CRISPLD2: variants seen among roughly 807,000 people sequenced by gnomAD.
CRISPLD2 encodes the protein cysteine-rich secretory protein LCCL domain-containing 2.
Under a neutral mutation model 71.1 loss-of-function variants are expected in CRISPLD2, and 47 were observed. The ratio of observed to expected loss-of-function variants is 0.66; its 90% CI spans 0.52 to 0.84. CRISPLD2 has a LOEUF of 0.84. Among genes scored for constraint, CRISPLD2 ranks in the 40% least tolerant of loss-of-function variants. The probability of loss-of-function intolerance (pLI) is 0.00; values close to 1 mark genes in which losing one functional copy is unlikely to be tolerated. For synonymous variants in CRISPLD2, 317 were observed against 250.1 expected, an observed-to-expected ratio of 1.27 and a Z score of -2.52; for missense variants, 830 against 651.1, an observed-to-expected ratio of 1.27 and a Z score of -2.99.
chr16:84,857,470 C>T (rs556844030), intron 6 of CRISPLD2, among the ~76,000 whole-genome samples: 45 of 152,308 alleles, frequency 3.0e-4, no homozygotes, highest in Non-Finnish European at 5.7e-4. Flanking sequence ...TCTTCCAAGT[C>T]CCTGACCATC....
Position 84,909,345 on chromosome 16 carries a change from C to G in CRISPLD2, c.*2703C>G, listed in dbSNP as rs1398721459. Reference sequence around the variant, plus strand: ...TGAAAAATGATGTATTTTGCTACTTCCTGTGTACAAAGTTTTATTGTAAAT... The same window carrying G: ...TGAAAAATGATGTATTTTGCTACTTGCTGTGTACAAAGTTTTATTGTAAAT... On this transcript the variant is annotated 3_prime_UTR_variant, in exon 15 of 15. Coordinates refer to ENST00000262424, the MANE Select transcript of CRISPLD2 (RefSeq NM_031476.4). 1 of 152,656 alleles carries G rather than the reference C, an allele frequency of 6.6e-6. No homozygotes were observed. The highest frequency in any genetic ancestry group is 2.4e-5 in the African/African-American group (1 of 41,446). 9.5% of individuals were successfully genotyped at this position (152,656 alleles called of 1,614,324 possible).
intron 6 of CRISPLD2, among the ~76,000 whole-genome samples, chr16:84,865,248 C>T (rs1917503530): frequency 6.6e-6 from 1 of 151,978 alleles, no homozygotes; most frequent in Admixed American, 6.6e-5. Flanking sequence ...CTCCACCTCC[C>T]AGGTTCAAGC....
intron 6 of CRISPLD2, among the ~76,000 whole-genome samples, chr16:84,858,089 C>T (rs1156580597): frequency 6.6e-6 from 1 of 152,150 alleles, no homozygotes; most frequent in Non-Finnish European, 1.5e-5. Context: ...GATGGCAGGG[C>T]CTTACTCCAA....
chr16:84,825,418 C>T (rs964447905), intron 1 of CRISPLD2, among the ~76,000 whole-genome samples: 4 of 152,058 alleles, frequency 2.6e-5, no homozygotes, highest in African/African-American at 9.7e-5. Flanking sequence ...TAAAAATTAG[C>T]TGGTGTCCTC....
chr16:84,831,750 T>C (rs1339669251), intron 1 of CRISPLD2, among the ~76,000 whole-genome samples: 3 of 152,198 alleles, frequency 2.0e-5, no homozygotes, highest in African/African-American at 7.2e-5. Context: ...TTCAAATTTT[T>C]TATTTTTTGA....
intron 1 of CRISPLD2, among the ~76,000 whole-genome samples, chr16:84,826,431 T>C (rs1424787541): frequency 1.3e-5 from 2 of 152,248 alleles, no homozygotes; most frequent in Non-Finnish European, 2.9e-5. Context: ...GCACGTTTCA[T>C]GCCCCTATGT....
chr16:84,821,920 G>T (rs752784310), intron 1 of CRISPLD2, among the ~76,000 whole-genome samples: 21 of 152,220 alleles, frequency 1.4e-4, no homozygotes, highest in Non-Finnish European at 3.1e-4. Context: ...AATTATTAAG[G>T]TGTGTGCCCA....
Position 84,909,177 on chromosome 16 carries a change from G to A in CRISPLD2, c.*2535G>A, listed in dbSNP as rs979074081. 1 of 152,628 alleles carries A rather than the reference G, an allele frequency of 6.6e-6. No individual in the cohort carries two copies. The highest frequency in any genetic ancestry group is 1.5e-5 in the Non-Finnish European group (1 of 68,038). The allele number at this position is 152,628 out of a possible 1,614,324, so 9.5% of individuals were successfully genotyped here. A position where few individuals can be genotyped will look rare whatever the true frequency, so the allele number is the denominator to read the frequency against. On this transcript the variant is annotated 3_prime_UTR_variant, in exon 15 of 15. Coordinates refer to ENST00000262424, the MANE Select transcript of CRISPLD2 (RefSeq NM_031476.4). ...AAAAAGATCTTGTACCAAGCCAACG[G>A]CGTTCCTGGCTCTCCTGCCCACAGG...
At chr16:84,889,392 C>T in intron 14 of CRISPLD2, 29 bp downstream of exon 14, 1 of 1,586,320 alleles carries the variant, frequency 6.3e-7, no homozygotes, top group Non-Finnish European at 8.6e-7. Context: ...ACCCTTGACA[C>T]CCAATCCCGG....
intron 6 of CRISPLD2, among the ~76,000 whole-genome samples, chr16:84,864,492 T>TATTC (rs1323209835): frequency 6.6e-6 from 1 of 152,202 alleles, no homozygotes; most frequent in Non-Finnish European, 1.5e-5. Flanking sequence ...CAAGCCTGAA[T>TATTC]AGCCTCATTG....
At position 84,888,427 on chromosome 16, in the gene CRISPLD2, T is replaced by G. The variant is rs552208948; in HGVS notation, c.1306-803T>G. ...GGTACACAACTGTAGTCCCAGCTAC[T>G]TGGGAGGCTGAGGTGGGAGGATCCC... On this transcript the variant is annotated intron_variant, in intron 13 of 14. Coordinates refer to ENST00000262424, the MANE Select transcript of CRISPLD2 (RefSeq NM_031476.4). 9.8e-5 allele frequency among the ~76,000 whole-genome samples: 15 copies of G among 152,356 alleles called. No individual in the cohort carries two copies. The East Asian group carries it at 2.9e-3, about 29-fold the overall frequency.
At chr16:84,868,293 C>T (rs1054498375) in intron 7 of CRISPLD2, among the ~76,000 whole-genome samples, 5 of 152,316 alleles carry the variant, frequency 3.3e-5, no homozygotes, top group Non-Finnish European at 7.4e-5. Context: ...TAACATACAA[C>T]GTTTATGTCC....
intron 14 of CRISPLD2, among the ~76,000 whole-genome samples, chr16:84,899,101 G>A (rs925771677): frequency 2.1e-4 from 32 of 152,094 alleles, no homozygotes; most frequent in African/African-American, 7.7e-4. Flanking sequence ...GTGTCACCCA[G>A]GCTGATCTCA....
Position 84,849,160 on chromosome 16 carries a change from C to A in CRISPLD2, c.360-225C>A, listed in dbSNP as rs560379877. On this transcript the variant is annotated intron_variant, in intron 3 of 14. Coordinates refer to ENST00000262424, the MANE Select transcript of CRISPLD2 (RefSeq NM_031476.4). The stretch of plus-strand genomic sequence containing the variant: ...CTGCTGGAATTGAGGGTTATTCCCC[C>A]ACCTCGGCCTCCCTCCCTCCTCGCT... 274 of 531,728 alleles carry A rather than the reference C, an allele frequency of 5.2e-4. No homozygotes were observed. The East Asian group carries it at 8.2e-3, about 16-fold the overall frequency. 32.9% of individuals were successfully genotyped at this position (531,728 alleles called of 1,614,324 possible).
intron 13 of CRISPLD2, among the ~76,000 whole-genome samples, chr16:84,886,416 CTG>C (rs2071613861): frequency 6.6e-6 from 1 of 152,176 alleles, no homozygotes; most frequent in African/African-American, 2.4e-5. Context: ...AGCTATGAGA[CTG>C]TGCCAGGGAT....
intron 13 of CRISPLD2, among the ~76,000 whole-genome samples, chr16:84,881,169 A>T (rs1044720163): frequency 1.3e-5 from 2 of 152,176 alleles, no homozygotes; most frequent in Non-Finnish European, 2.9e-5. Flanking sequence ...CATGCTTCAG[A>T]TAGTTCATTT....
rs540015794 is a variant in CRISPLD2, at chr16:84,885,560, C to G, written c.1306-3670C>G. On this transcript the variant is annotated intron_variant, in intron 13 of 14. Coordinates refer to ENST00000262424, the MANE Select transcript of CRISPLD2 (RefSeq NM_031476.4). The stretch of plus-strand genomic sequence containing the variant: ...CTGCAACTCCAGGGCCTCCCAGATA[C>G]CCGGGACCCCGCTTTGGGCTAAGGA... 3.3e-5 allele frequency among the ~76,000 whole-genome samples: 5 copies of G among 152,318 alleles called. No homozygotes were observed. The East Asian group carries it at 9.7e-4, about 29-fold the overall frequency.
chr16:84,870,762 A>G (rs2071461428), intron 8 of CRISPLD2, among the ~76,000 whole-genome samples: 1 of 152,016 alleles, frequency 6.6e-6, no homozygotes, highest in South Asian at 2.1e-4. Context: ...GCTTTTCACC[A>G]TTATAAACAG....
chr16:84,903,817 A>G (rs1363639159), intron 14 of CRISPLD2, among the ~76,000 whole-genome samples: 1 of 152,182 alleles, frequency 6.6e-6, no homozygotes, highest in African/African-American at 2.4e-5. Flanking sequence ...TACAACGAAC[A>G]GGGAGGTGTT....
Sources: gnomAD v4.1 joint callset for allele counts (sites outside exome capture counted in the v4.1 genomes callset) on GRCh38, gnomAD v4.1.1 for gene constraint, MANE v1.5 for transcripts, NCBI Gene and HGNC (gene_info 2026-07-23, HGNC 2026-07-21) for gene names.